DUSP22: variants seen among roughly 807,000 people sequenced by gnomAD.
DUSP22 encodes dual specificity protein phosphatase 22.
Under a neutral mutation model 24.5 loss-of-function variants are expected in DUSP22, and 24 were observed. That is an observed-to-expected ratio of 0.98 (90% CI 0.71 to 1.38). DUSP22 has a LOEUF of 1.38. Among genes scored for constraint, DUSP22 ranks in the 40% most tolerant of loss-of-function variants. DUSP22 has a pLI of 0.00. For missense variants in DUSP22, 330 were observed against 269.2 expected (o/e 1.23, Z -1.58); for synonymous variants, 160 against 106.4 (o/e 1.50, Z -3.10).
chr6:311,823 T>C (rs1758115719), intron 2 of DUSP22, 57 bp from the exon 3 acceptor site: 2 of 1,555,784 alleles, frequency 1.3e-6, no homozygotes, highest in Admixed American at 1.8e-5. Flanking sequence ...GGCTAGACTT[T>C]AGGAGTAATT....
intron 3 of DUSP22, among the ~76,000 whole-genome samples, chr6:323,172 C>T (rs1266025487): frequency 6.6e-6 from 1 of 152,294 alleles, no homozygotes; most frequent in Non-Finnish European, 1.5e-5. Flanking sequence ...AAGCTCTGTC[C>T]ATGCTTTTAA....
chr6:317,454 C>CCT (rs1248791289), intron 3 of DUSP22, among the ~76,000 whole-genome samples: 5 of 152,302 alleles, frequency 3.3e-5, no homozygotes, highest in Admixed American at 3.3e-4. Context: ...CTCTTCCCAC[C>CCT]CTCTCCTGCT....
intron 1 of DUSP22, among the ~76,000 whole-genome samples, chr6:298,645 G>A (rs1757445201): frequency 6.6e-6 from 1 of 152,304 alleles, no homozygotes; most frequent in Non-Finnish European, 1.5e-5. Flanking sequence ...GAATCTTTAG[G>A]GTGATTTCAA....
chr6:345,269 G>C (rs759132509), intron 4 of DUSP22, among the ~76,000 whole-genome samples: 1 of 149,634 alleles, frequency 6.7e-6, no homozygotes, highest in African/African-American at 2.5e-5. Context: ...GAGTGCAGTC[G>C]TGTGATCTTG....
chr6:349,226 T>G lies in DUSP22; in HGVS notation c.*275T>G. ...GCACGTGCGTGTGTGTGAGTGCACT[T>G]GTGTGTGGGTGACTAAGTGGATGCA... is the stretch of plus-strand genomic sequence containing the variant. On this transcript the variant is annotated 3_prime_UTR_variant, in exon 7 of 7. Transcript: ENST00000419235. 6 of 1,377,888 alleles carry G rather than the reference T, an allele frequency of 4.4e-6. No individual in the cohort carries two copies. The highest frequency in any genetic ancestry group is 5.6e-6 in the Non-Finnish European group (6 of 1,064,746). 85.4% of individuals were successfully genotyped at this position (1,377,888 alleles called of 1,614,324 possible). A position where few individuals can be genotyped will look rare whatever the true frequency, so the allele number is the denominator to read the frequency against.
chr6:341,074 G>A (rs1453328446), intron 4 of DUSP22, among the ~76,000 whole-genome samples: 1 of 152,310 alleles, frequency 6.6e-6, no homozygotes, highest in East Asian at 1.9e-4. Flanking sequence ...CGGGTGACTG[G>A]GCAGTTTGCG....
intron 3 of DUSP22, among the ~76,000 whole-genome samples, chr6:321,155 G>A (rs1218980423): frequency 6.6e-6 from 1 of 152,420 alleles, no homozygotes; most frequent in South Asian, 2.1e-4. Flanking sequence ...AGTTGGAGGT[G>A]GGATTCTGGG....
chr6:296,015 C>G (rs1019160981), intron 1 of DUSP22, among the ~76,000 whole-genome samples: 1 of 140,376 alleles, frequency 7.1e-6, no homozygotes, highest in Non-Finnish European at 1.6e-5. Flanking sequence ...AAAAGTCTTT[C>G]CTTTGAGCTG....
chr6:349,054 C>G lies in DUSP22; in HGVS notation c.*103C>G. The G allele has an allele frequency of 6.7e-7, 1 of 1,497,658 alleles. No individual in the cohort carries two copies. Among genetic ancestry groups the G allele is most frequent in the Non-Finnish European group, 8.9e-7 (1 of 1,122,364 alleles). 92.8% of individuals were successfully genotyped at this position (1,497,658 alleles called of 1,614,324 possible). A position where few individuals can be genotyped will look rare whatever the true frequency, so the allele number is the denominator to read the frequency against. ...CGATGAGGACAGGAAAGGGAGATAG[C>G]CAGGGCGAGGTGGGGCGAGGGCTCC... On this transcript the variant is annotated 3_prime_UTR_variant, in exon 7 of 7. Coordinates refer to ENST00000419235, the MANE Select transcript of DUSP22 (RefSeq NM_001286555.3).
intron 2 of DUSP22, among the ~76,000 whole-genome samples, chr6:310,760 T>C (rs2127397275): frequency 6.6e-6 from 1 of 152,422 alleles, no homozygotes. Flanking sequence ...TCCCTAATAT[T>C]ATGTGTCTCA....
At chr6:327,632 G>T (rs924186933) in intron 3 of DUSP22, among the ~76,000 whole-genome samples, 3 of 152,302 alleles carry the variant, frequency 2.0e-5, no homozygotes, top group Non-Finnish European at 4.4e-5. Context: ...AGGGCCATGC[G>T]CCTGTGTGCT....
intron 1 of DUSP22, among the ~76,000 whole-genome samples, chr6:300,289 C>T (rs1358110733): frequency 1.3e-5 from 2 of 152,300 alleles, no homozygotes; most frequent in Non-Finnish European, 2.9e-5. Flanking sequence ...CCTTCGGGCT[C>T]GGGCTCAGGC....
intron 3 of DUSP22, among the ~76,000 whole-genome samples, chr6:315,882 C>G (rs544997661): frequency 1.3e-5 from 2 of 152,306 alleles, no homozygotes; most frequent in Non-Finnish European, 2.9e-5. Context: ...GCACAAGATA[C>G]GCGTTGTAGC....
At chr6:327,239 C>G (rs1308144588) in intron 3 of DUSP22, among the ~76,000 whole-genome samples, 1 of 152,310 alleles carries the variant, frequency 6.6e-6, no homozygotes, top group Non-Finnish European at 1.5e-5. Context: ...CCCAGAAATG[C>G]CCAGCATCTT....
chr6:302,940 G>T (rs1184638728), intron 1 of DUSP22, among the ~76,000 whole-genome samples: 1 of 152,302 alleles, frequency 6.6e-6, no homozygotes, highest in Non-Finnish European at 1.5e-5. Context: ...AGCTTGGTGG[G>T]GTCTTAGGGG....
At chr6:297,561 CAACATCTCAG>C (rs1165795044) in intron 1 of DUSP22, among the ~76,000 whole-genome samples, 6 of 152,298 alleles carry the variant, frequency 3.9e-5, no homozygotes, top group Non-Finnish European at 8.8e-5. Context: ...AGAGGTTTAG[CAACATCTCAG>C]ATCTTCACCC....
chr6:311,123 T>C (rs73717026), intron 2 of DUSP22, among the ~76,000 whole-genome samples: 835 of 152,032 alleles, frequency 5.5e-3, no homozygotes, highest in African/African-American at 0.019. Flanking sequence ...GGAATTCTCA[T>C]TGGTTTATAG....
intron 3 of DUSP22, among the ~76,000 whole-genome samples, chr6:327,950 A>C (rs1758961673): frequency 6.6e-6 from 1 of 152,300 alleles, no homozygotes; most frequent in South Asian, 2.1e-4. Context: ...CAGATGCTGA[A>C]GCACTGTGAA....
At chr6:313,579 A>T (rs1270028409) in intron 3 of DUSP22, among the ~76,000 whole-genome samples, 1 of 152,308 alleles carries the variant, frequency 6.6e-6, no homozygotes, top group African/African-American at 2.4e-5. Flanking sequence ...CTGCCTTTAA[A>T]AAAAGAGAGA....
Sources: gnomAD v4.1 joint callset for allele counts (sites outside exome capture counted in the v4.1 genomes callset) on GRCh38, gnomAD v4.1.1 for gene constraint, MANE v1.5 for transcripts, NCBI Gene and HGNC (gene_info 2026-07-23, HGNC 2026-07-21) for gene names.